The following THSD7A variants were observed in gnomAD, a reference collection of about 807,000 sequenced individuals.
THSD7A encodes the protein thrombospondin type-1 domain-containing protein 7A.
A neutral mutation model predicts 231.3 loss-of-function variants in THSD7A; 96 were observed. That is an observed-to-expected ratio of 0.41 (90% confidence interval 0.35 to 0.49). THSD7A has a LOEUF of 0.49. Ranked by LOEUF, THSD7A falls within the 20% of genes least tolerant of loss-of-function variation. The pLI, the probability that THSD7A is intolerant of heterozygous loss-of-function variation, is 0.05. For synonymous variants in THSD7A, 940 were observed against 743.3 expected, an observed-to-expected ratio of 1.26 and a Z score of -4.30; for missense variants, 2,290 against 2,070.2, an observed-to-expected ratio of 1.11 and a Z score of -2.06.
At chr7:11,738,522 T>C (rs1781994681) in intron 1 of THSD7A, among the ~76,000 whole-genome samples, 1 of 152,066 alleles carries the variant, frequency 6.6e-6, no homozygotes, top group African/African-American at 2.4e-5. Flanking sequence ...TTAACCATGT[T>C]AAGTTTTGGA....
chr7:11,419,317 C>T (rs926880982), intron 16 of THSD7A, among the ~76,000 whole-genome samples: 1 of 152,100 alleles, frequency 6.6e-6, no homozygotes, highest in Non-Finnish European at 1.5e-5. Flanking sequence ...CAGATGTTCC[C>T]CTTGCTGTTC....
At chr7:11,472,487 T>G (rs1029465) in intron 8 of THSD7A, among the ~76,000 whole-genome samples, 58,512 of 151,994 alleles carry the variant, frequency 0.38, 11,553 homozygotes, top group South Asian at 0.46. Flanking sequence ...TATTTTCTTT[T>G]GAATTCACAG....
chr7:11,440,690 T>C (rs1784776575), intron 13 of THSD7A, among the ~76,000 whole-genome samples: 1 of 152,034 alleles, frequency 6.6e-6, no homozygotes. Context: ...GTGACTGGAT[T>C]GCTGCAATCT....
At chr7:11,639,389 G>T (rs1781989437) in intron 1 of THSD7A, among the ~76,000 whole-genome samples, 1 of 152,146 alleles carries the variant, frequency 6.6e-6, no homozygotes, top group South Asian at 2.1e-4. Context: ...TTGTGATTGG[G>T]CCGGGCGCTG....
chr7:11,664,672 A>G (rs1013801813), intron 1 of THSD7A, among the ~76,000 whole-genome samples: 1 of 151,956 alleles, frequency 6.6e-6, no homozygotes, highest in African/African-American at 2.4e-5. Flanking sequence ...TTTCCAAAGC[A>G]CTTAAATAAC....
chr7:11,818,364 GGC>G (rs542523550), intron 1 of THSD7A, among the ~76,000 whole-genome samples: 145 of 152,300 alleles, frequency 9.5e-4, no homozygotes, highest in South Asian at 5.0e-3. Flanking sequence ...TTCTACGTTA[GGC>G]TGTTAATAGT....
chr7:11,568,571 G>A (rs1583992555), intron 4 of THSD7A, among the ~76,000 whole-genome samples: 3 of 131,610 alleles, frequency 2.3e-5, no homozygotes, highest in Non-Finnish European at 1.6e-5. Flanking sequence ...CTTGCAGTGA[G>A]CCGAGATCAC....
chr7:11,645,709 CTA>C (rs1233801763), intron 1 of THSD7A, among the ~76,000 whole-genome samples: 2 of 151,690 alleles, frequency 1.3e-5, no homozygotes, highest in Non-Finnish European at 1.5e-5. Context: ...TATTTTATTG[CTA>C]TGTTTTATTT....
intron 1 of THSD7A, among the ~76,000 whole-genome samples, chr7:11,647,268 G>C (rs1324613462): frequency 6.6e-6 from 1 of 151,980 alleles, no homozygotes; most frequent in East Asian, 1.9e-4. Context: ...CTCCAATTCA[G>C]CAGAGTTTAA....
intron 2 of THSD7A, among the ~76,000 whole-genome samples, chr7:11,617,019 T>C (rs1473705881): frequency 6.6e-6 from 1 of 152,196 alleles, no homozygotes. Flanking sequence ...TAAAAACATA[T>C]CACAGTGATG....
intron 4 of THSD7A, among the ~76,000 whole-genome samples, chr7:11,582,203 G>A (rs1791196220): frequency 6.6e-6 from 1 of 151,316 alleles, no homozygotes; most frequent in Non-Finnish European, 1.5e-5. Context: ...TATTGGATTG[G>A]AACAATATAT....
intron 1 of THSD7A, among the ~76,000 whole-genome samples, chr7:11,741,831 A>T (rs889700049): frequency 9.2e-5 from 14 of 151,964 alleles, no homozygotes; most frequent in African/African-American, 3.1e-4. Context: ...AGGCAATAGT[A>T]TTTATAAAAC....
At chr7:11,563,616 C>G (rs964594099) in intron 4 of THSD7A, among the ~76,000 whole-genome samples, 9 of 152,174 alleles carry the variant, frequency 5.9e-5, no homozygotes, top group African/African-American at 1.9e-4. Context: ...CCCTCCTCAG[C>G]CTTCCAAAGT....
At chr7:11,402,623 G>A (rs1035436297) in intron 22 of THSD7A, among the ~76,000 whole-genome samples, 1 of 152,076 alleles carries the variant, frequency 6.6e-6, no homozygotes, top group Non-Finnish European at 1.5e-5. Flanking sequence ...GCTGAATTTC[G>A]ATAATCTGAT....
chr7:11,816,630 A>G (rs1425359938), intron 1 of THSD7A, among the ~76,000 whole-genome samples: 1 of 152,232 alleles, frequency 6.6e-6, no homozygotes, highest in Admixed American at 6.5e-5. Flanking sequence ...AAGTAATGCA[A>G]GGACTTTTAT....
intron 1 of THSD7A, among the ~76,000 whole-genome samples, chr7:11,807,884 C>T (rs1784437642): frequency 6.6e-6 from 1 of 152,044 alleles, no homozygotes; most frequent in Admixed American, 6.6e-5. Flanking sequence ...TTTTCTCAGA[C>T]CTCAGTAAGA....
chr7:11,553,097 C>A (rs1583961094), intron 4 of THSD7A, among the ~76,000 whole-genome samples: 1 of 152,112 alleles, frequency 6.6e-6, no homozygotes, highest in Admixed American at 6.5e-5. Flanking sequence ...GGGTATATAC[C>A]CCAGACAACA....
chr7:11,402,981 T>C (rs1046302033), intron 22 of THSD7A, among the ~76,000 whole-genome samples: 1 of 152,174 alleles, frequency 6.6e-6, no homozygotes, highest in South Asian at 2.1e-4. Context: ...AGGAGTGCAA[T>C]TGCTGGGCCA....
intron 4 of THSD7A, among the ~76,000 whole-genome samples, chr7:11,579,265 G>A (rs113331726): frequency 1.3e-5 from 2 of 152,234 alleles, no homozygotes; most frequent in African/African-American, 4.8e-5. Context: ...GTTAACACTG[G>A]AGAGAGTAGC....
Sources: allele counts gnomAD v4.1 joint callset (sites outside exome capture counted in the v4.1 genomes callset), GRCh38; gene constraint gnomAD v4.1.1; transcripts MANE v1.5; gene names NCBI Gene and HGNC (gene_info 2026-07-23, HGNC 2026-07-21).